EPHA8: variants seen among roughly 807,000 people sequenced by gnomAD.
EPHA8 encodes the protein EPH receptor A8.
Under a neutral mutation model 103.6 loss-of-function variants are expected in EPHA8, and 58 were observed. That is an observed-to-expected ratio of 0.56 (90% CI 0.45 to 0.70). EPHA8 has a LOEUF of 0.70. EPHA8 is among the 30% of genes least tolerant of loss of function. The probability of loss-of-function intolerance (pLI) is 0.00; values close to 1 mark genes in which losing one functional copy is unlikely to be tolerated. For synonymous variants in EPHA8, 559 were observed against 572.5 expected (o/e 0.98, Z 0.34); for missense variants, 1,304 against 1,395.2 (o/e 0.93, Z 1.04).
chr1:22,586,997 T>A (rs1457539839), intron 4 of EPHA8, among the ~76,000 whole-genome samples: 1 of 152,224 alleles, frequency 6.6e-6, no homozygotes, highest in East Asian at 1.9e-4. Context: ...AGGGTGAGGG[T>A]TAGGGCAGCA....
At chr1:22,585,048 T>TGCGC (rs1553146979) in intron 3 of EPHA8, among the ~76,000 whole-genome samples, 35 of 111,340 alleles carry the variant, frequency 3.1e-4, no homozygotes, top group African/African-American at 1.4e-3. Flanking sequence ...TGTGTGTGTG[T>TGCGC]GTGCGCACGC....
intron 3 of EPHA8, among the ~76,000 whole-genome samples, chr1:22,577,723 A>G (rs1402696819): frequency 2.0e-5 from 3 of 151,282 alleles, no homozygotes; most frequent in Non-Finnish European, 4.4e-5. Context: ...TCGGAGCAGG[A>G]GCAAGGCATG....
At chr1:22,577,491 GC>G (rs1640743107) in intron 3 of EPHA8, among the ~76,000 whole-genome samples, 1 of 152,156 alleles carries the variant, frequency 6.6e-6, no homozygotes, top group South Asian at 2.1e-4. Flanking sequence ...GGGTGAATGA[GC>G]ACACTGAGGG....
In EPHA8 at chr1:22,578,534, C is replaced by G. The variant is rs111162213; in HGVS notation, c.823+1654C>G. 3.6e-5 allele frequency among the ~76,000 whole-genome samples: 4 copies of G among 109,776 alleles called. No individual in the cohort carries two copies. The East Asian group carries it at 9.7e-4, about 27-fold the overall frequency. The allele number at this position is 109,776 out of a possible 152,430, so 72.0% of individuals were successfully genotyped here. On this transcript the variant is annotated intron_variant, in intron 3 of 16. Transcript: ENST00000166244. ...AGTGTATTATGCATGTGTGCATATG[C>G]GTGCATGTGTGCGTGAGTGTGCACA...
chr1:22,586,092 G>T (rs964183187), intron 3 of EPHA8, among the ~76,000 whole-genome samples: 3 of 152,154 alleles, frequency 2.0e-5, no homozygotes, highest in Non-Finnish European at 4.4e-5. Context: ...GGCGTCCCAC[G>T]TAAGAACCAG....
At chr1:22,565,447 G>T (rs1640331475) in intron 1 of EPHA8, among the ~76,000 whole-genome samples, 1 of 152,272 alleles carries the variant, frequency 6.6e-6, no homozygotes, top group African/African-American at 2.4e-5. Flanking sequence ...AATCTAAGAG[G>T]CCTTGGGGCC....
intron 3 of EPHA8, among the ~76,000 whole-genome samples, chr1:22,585,159 C>G (rs665395): frequency 0.32 from 49,098 of 152,102 alleles, 10,373 homozygotes; most frequent in African/African-American, 0.61. Context: ...CGGGCACAGC[C>G]TGTGCAAAGG....
intron 3 of EPHA8, among the ~76,000 whole-genome samples, chr1:22,579,010 T>C (rs1640933840): frequency 6.8e-6 from 1 of 146,186 alleles, no homozygotes; most frequent in Non-Finnish European, 1.5e-5. Context: ...TATGCATGTG[T>C]GTGCATATGT....
rs1358635375 is a variant in EPHA8, at chr1:22,601,330, C to T, written c.2760C>T (p.Cys920=). Reference sequence around the variant, plus strand: ...CACCCCCTGCCTTCGTCCGGAGCTGCTTTGACCTCCGAGGGGGCAGCGGTG... The same window carrying T: ...CACCCCCTGCCTTCGTCCGGAGCTGTTTTGACCTCCGAGGGGGCAGCGGTG... ...RCPPPAFVRS[C]FDLRGGSGGG... The change falls in exon 16 of 17, where the codon TGC becomes TGT. Residue 920 remains cysteine (C), a synonymous_variant. Coordinates refer to ENST00000166244, the MANE Select transcript of EPHA8 (RefSeq NM_020526.5). The T allele has an allele frequency of 6.2e-6, 10 of 1,606,926 alleles. No individual in the cohort carries two copies. The highest frequency in any genetic ancestry group is 1.7e-4 in the Middle Eastern group (1 of 6,026).
chr1:22,565,411 G>A (rs1640329448), intron 1 of EPHA8, among the ~76,000 whole-genome samples: 1 of 152,176 alleles, frequency 6.6e-6, no homozygotes, highest in African/African-American at 2.4e-5. Flanking sequence ...GGGGGTGCTG[G>A]GGAGTAGGAA....
intron 3 of EPHA8, among the ~76,000 whole-genome samples, chr1:22,581,909 C>T (rs1391679468): frequency 6.6e-6 from 1 of 152,212 alleles, no homozygotes. Flanking sequence ...TCTTTGGCTG[C>T]GTAACCTCAT....
At chr1:22,582,185 G>T (rs141684903) in intron 3 of EPHA8, among the ~76,000 whole-genome samples, 2 of 152,284 alleles carry the variant, frequency 1.3e-5, no homozygotes, top group East Asian at 3.9e-4. Flanking sequence ...GAGGTCCATG[G>T]GGCCCCTGCC....
intron 3 of EPHA8, among the ~76,000 whole-genome samples, chr1:22,579,453 TGTGCATGC>T (rs1202713277): frequency 6.6e-6 from 1 of 151,868 alleles, no homozygotes; most frequent in East Asian, 1.9e-4. Flanking sequence ...TGAGTGTATG[TGTGCATGC>T]GTGCATGCAT....
rs757979901 is a variant in EPHA8, at chr1:22,600,884, C to T, written c.2539-14C>T. On this transcript the variant is annotated splice_polypyrimidine_tract_variant and intron_variant, in intron 14 of 16. Coordinates refer to ENST00000166244, the MANE Select transcript of EPHA8 (RefSeq NM_020526.5). ...CAGGGAGGGACGGCTGAGCCCAGCG[C>T]TGATCCCCTGCAGGTCATCAGCTCT... is the stretch of plus-strand genomic sequence containing the variant. The T allele has an allele frequency of 6.3e-7, 1 of 1,597,150 alleles. No individual in the cohort carries two copies. Among genetic ancestry groups the T allele is most frequent in the South Asian group, 1.1e-5 (1 of 88,504 alleles).
intron 2 of EPHA8, among the ~76,000 whole-genome samples, chr1:22,575,377 T>C (rs1370360091): frequency 6.6e-6 from 1 of 152,148 alleles, no homozygotes; most frequent in Non-Finnish European, 1.5e-5. Flanking sequence ...TTTGGCCATC[T>C]GAATATTTTC....
At chr1:22,583,618 G>C (rs1199029945) in intron 3 of EPHA8, among the ~76,000 whole-genome samples, 1 of 152,228 alleles carries the variant, frequency 6.6e-6, no homozygotes, top group Non-Finnish European at 1.5e-5. Flanking sequence ...ACAAGTGCCA[G>C]GCACTGCCCT....
intron 3 of EPHA8, among the ~76,000 whole-genome samples, chr1:22,577,652 G>T (rs1289076944): frequency 6.6e-6 from 1 of 152,126 alleles, no homozygotes; most frequent in Admixed American, 6.5e-5. Context: ...TGAGAAGAGA[G>T]CCCCTGGGCC....
chr1:22,599,394 C>T (rs1207652847), intron 13 of EPHA8, among the ~76,000 whole-genome samples: 1 of 152,088 alleles, frequency 6.6e-6, no homozygotes, highest in African/African-American at 2.4e-5. Flanking sequence ...TTTTCAAACA[C>T]ATTCCATGGG....
At chr1:22,578,341 CATGTGTGTATGT>C (rs1640842388) in intron 3 of EPHA8, among the ~76,000 whole-genome samples, 1 of 132,396 alleles carries the variant, frequency 7.6e-6, no homozygotes, top group East Asian at 2.5e-4. Context: ...TGAGTGTATG[CATGTGTGTATGT>C]GTGCGTGCAT....
Sources: allele counts gnomAD v4.1 joint callset (sites outside exome capture counted in the v4.1 genomes callset), GRCh38; gene constraint gnomAD v4.1.1; transcripts MANE v1.5; gene names NCBI Gene and HGNC (gene_info 2026-07-23, HGNC 2026-07-21).